AGMO: variants seen among roughly 807,000 people sequenced by gnomAD.
The protein encoded by AGMO is alkylglycerol monooxygenase, also known as glyceryl-ether monooxygenase.
In AGMO, 75 loss-of-function variants were observed where a neutral mutation model predicts 60.2. The observed-to-expected ratio is 1.25, with a 90% CI of 1.03 to 1.51. The LOEUF (loss-of-function observed/expected upper bound fraction) is 1.51. AGMO is among the 40% of genes most tolerant of loss of function. The pLI is 0.00. For synonymous variants in AGMO, 261 were observed against 177.1 expected, an observed-to-expected ratio of 1.47 and a Z score of -3.76; for missense variants, 763 against 525.5, an observed-to-expected ratio of 1.45 and a Z score of -4.42.
chr7:15,434,987 T>C (rs1277533279), intron 3 of AGMO, among the ~76,000 whole-genome samples: 1 of 152,024 alleles, frequency 6.6e-6, no homozygotes. Context: ...TCTGTTGTCT[T>C]TTTTCATTTA....
At chr7:15,528,127 T>A (rs1216223016) in intron 3 of AGMO, among the ~76,000 whole-genome samples, 6 of 152,108 alleles carry the variant, frequency 3.9e-5, no homozygotes, top group African/African-American at 1.2e-4. Context: ...AAGGCTACCA[T>A]TGCCATAGAT....
intron 12 of AGMO, among the ~76,000 whole-genome samples, chr7:15,277,308 AAAT>A (rs1219266328): frequency 3.0e-5 from 4 of 132,330 alleles, no homozygotes; most frequent in East Asian, 4.1e-4. Flanking sequence ...CTGTCTCAAA[AAAT>A]AATAAATAAA....
downstream of AGMO, among the ~76,000 whole-genome samples, chr7:15,198,231 G>C (rs926986411): frequency 1.4e-4 from 16 of 116,752 alleles, no homozygotes; most frequent in South Asian, 5.8e-4. Context: ...GAGAGAGAGA[G>C]AGAGAGAGAG....
intron 12 of AGMO, among the ~76,000 whole-genome samples, chr7:15,348,883 G>A (rs889767389): frequency 7.2e-5 from 11 of 152,092 alleles, no homozygotes; most frequent in East Asian, 1.9e-4. Context: ...AAATTGCACC[G>A]TGATTTCTAC....
At chr7:15,330,968 G>C (rs1781482532) in intron 12 of AGMO, among the ~76,000 whole-genome samples, 1 of 152,128 alleles carries the variant, frequency 6.6e-6, no homozygotes, top group African/African-American at 2.4e-5. Context: ...AAGTGATCTT[G>C]TGTGACATCT....
At chr7:15,517,688 T>C (rs1783858636) in intron 3 of AGMO, among the ~76,000 whole-genome samples, 1 of 152,062 alleles carries the variant, frequency 6.6e-6, no homozygotes. Flanking sequence ...GAGATTTCCT[T>C]GGGTGCCTAC....
At chr7:15,184,808 G>A in the AGMO span, among the ~76,000 whole-genome samples, 1 of 136,002 alleles carries the variant, frequency 7.4e-6, no homozygotes, top group African/African-American at 2.8e-5. Flanking sequence ...AAGAGAGGGA[G>A]GGAGGAAGGG....
At chr7:15,471,086 A>C (rs1782440812) in intron 3 of AGMO, among the ~76,000 whole-genome samples, 2 of 151,900 alleles carry the variant, frequency 1.3e-5, no homozygotes, top group Non-Finnish European at 2.9e-5. Context: ...AAATTTTCCT[A>C]AGTGGTTTAT....
At chr7:15,286,450 T>TGA (rs1340579335) in intron 12 of AGMO, among the ~76,000 whole-genome samples, 2 of 151,984 alleles carry the variant, frequency 1.3e-5, no homozygotes, top group Admixed American at 1.3e-4. Context: ...GATATACAAA[T>TGA]GGCCAACAAA....
chr7:15,350,354 T>TA (rs1446660702), intron 12 of AGMO, among the ~76,000 whole-genome samples: 2 of 152,132 alleles, frequency 1.3e-5, no homozygotes, highest in East Asian at 3.8e-4. Context: ...ATAAATTGTA[T>TA]AAAAAATCCA....
chr7:15,131,397 A>C, the AGMO span, among the ~76,000 whole-genome samples: 10 of 152,108 alleles, frequency 6.6e-5, no homozygotes, highest in Non-Finnish European at 1.2e-4. Context: ...TACAAACCTC[A>C]GTGCTTTTTC....
chr7:15,432,320 G>C (rs1157369434), intron 3 of AGMO, among the ~76,000 whole-genome samples: 1 of 127,886 alleles, frequency 7.8e-6, no homozygotes, highest in African/African-American at 3.0e-5. Context: ...ATATGTGTGT[G>C]TATATATGTA....
intron 12 of AGMO, among the ~76,000 whole-genome samples, chr7:15,336,342 T>C (rs1366216953): frequency 6.6e-6 from 1 of 152,084 alleles, no homozygotes; most frequent in Non-Finnish European, 1.5e-5. Context: ...GCAGCTGTAC[T>C]ATTTTAAGGT....
chr7:15,375,411 T>C (rs1368432760), intron 10 of AGMO, among the ~76,000 whole-genome samples: 1 of 77,436 alleles, frequency 1.3e-5, no homozygotes, highest in Non-Finnish European at 2.8e-5. Flanking sequence ...TTTTTTTTTT[T>C]TTGAGACAGA....
intron 4 of AGMO, among the ~76,000 whole-genome samples, chr7:15,429,912 A>C (rs1781178730): frequency 6.6e-6 from 1 of 152,038 alleles, no homozygotes; most frequent in African/African-American, 2.4e-5. Flanking sequence ...ATGATCAGAA[A>C]AGATAACATA....
intron 10 of AGMO, among the ~76,000 whole-genome samples, chr7:15,373,062 G>A (rs138258293): frequency 6.6e-5 from 10 of 152,036 alleles, no homozygotes; most frequent in Non-Finnish European, 1.2e-4. Context: ...CCAGGAGTTC[G>A]AGACCAGCCT....
At position 15,476,073 on chromosome 7, in the gene AGMO, G is replaced by A. The variant is rs74520137; in HGVS notation, c.410-44965C>T. ...AGACAAAATTTTTGGATGAGTAAGC[G>A]ACACACTGTCACTTTAAGTGGAAGC... On this transcript the variant is annotated intron_variant, in intron 3 of 12. Coordinates refer to ENST00000342526, the MANE Select transcript of AGMO (RefSeq NM_001004320.2). Among the ~76,000 whole-genome samples, 386 of 152,156 alleles carry A rather than the reference G, an allele frequency of 2.5e-3. 1 individual carries two copies. Among genetic ancestry groups the A allele is most frequent in the African/African-American group, 8.6e-3 (356 of 41,518 alleles).
chr7:15,370,217 CT>C (rs1443614514), intron 10 of AGMO, among the ~76,000 whole-genome samples: 1 of 152,154 alleles, frequency 6.6e-6, no homozygotes, highest in Non-Finnish European at 1.5e-5. Flanking sequence ...ATTCACGTTG[CT>C]GCAAAGGACA....
In AGMO at chr7:15,544,738, A is replaced by G. The variant is rs367589965; in HGVS notation, c.409+34T>C. 235 of 1,522,572 alleles carry G rather than the reference A, an allele frequency of 1.5e-4. 1 individual carries two copies. In the African/African-American group the frequency reaches 3.0e-3, roughly 19 times the overall value. 94.3% of individuals were successfully genotyped at this position (1,522,572 alleles called of 1,614,324 possible). The stretch of plus-strand genomic sequence containing the variant: ...TACTATGTACCAAACACAGTTCAAC[A>G]TAAGTTAACAAAAAGTCCTCATTTG... On this transcript the variant is annotated intron_variant, in intron 3 of 12. Coordinates refer to ENST00000342526, the MANE Select transcript of AGMO (RefSeq NM_001004320.2).
Sources: gnomAD v4.1 joint callset for allele counts (sites outside exome capture counted in the v4.1 genomes callset) on GRCh38, gnomAD v4.1.1 for gene constraint, MANE v1.5 for transcripts, NCBI Gene and HGNC (gene_info 2026-07-23, HGNC 2026-07-21) for gene names.